Variants in TENM3 observed in about 807,000 individuals in gnomAD.
TENM3 encodes the protein teneurin-3.
Under a neutral mutation model 255.1 loss-of-function variants are expected in TENM3, and 63 were observed. The ratio of observed to expected loss-of-function variants is 0.25; its 90% confidence interval spans 0.20 to 0.30. TENM3 has a LOEUF of 0.30. TENM3 is among the 10% of genes least tolerant of loss of function. The pLI is 1.00. For synonymous variants in TENM3, 1,306 were observed against 1,322.3 expected (o/e 0.99, Z 0.27); for missense variants, 2,929 against 3,461.1 (o/e 0.85, Z 3.86).
At chr4:181,732,045 A>C in the TENM3 span, among the ~76,000 whole-genome samples, 1 of 152,184 alleles carries the variant, frequency 6.6e-6, no homozygotes, top group Non-Finnish European at 1.5e-5. Context: ...ATGGGAAAGG[A>C]AACAGAATAT....
At chr4:182,057,642 C>G in the TENM3 span, among the ~76,000 whole-genome samples, 1 of 151,766 alleles carries the variant, frequency 6.6e-6, no homozygotes, top group African/African-American at 2.4e-5. Flanking sequence ...CTCAAGTGAT[C>G]CCCCTGCCTT....
chr4:181,680,659 A>G, the TENM3 span, among the ~76,000 whole-genome samples: 65 of 152,258 alleles, frequency 4.3e-4, 1 homozygote, highest in East Asian at 0.013. Flanking sequence ...AGGTATCATA[A>G]TAAGTTATCC....
intron 4 of TENM3, among the ~76,000 whole-genome samples, chr4:182,621,523 GA>G (rs11291088): frequency 0.96 from 139,269 of 144,338 alleles, 67,373 homozygotes; most frequent in Non-Finnish European, 1. Context: ...AGCACTTTGG[GA>G]GGCCAAGGCA....
At chr4:182,386,073 C>G (rs1767895586) in intron 3 of TENM3, among the ~76,000 whole-genome samples, 1 of 152,094 alleles carries the variant, frequency 6.6e-6, no homozygotes. Flanking sequence ...TGACTTAGAA[C>G]GTAAGAAAGA....
chr4:182,509,395 G>A (rs969322519), intron 3 of TENM3, among the ~76,000 whole-genome samples: 11 of 151,958 alleles, frequency 7.2e-5, no homozygotes, highest in Non-Finnish European at 1.0e-4. Flanking sequence ...TGCTTGCTTC[G>A]TTTCAGTGAT....
chr4:182,001,606 CT>C, the TENM3 span, among the ~76,000 whole-genome samples: 1 of 152,100 alleles, frequency 6.6e-6, no homozygotes, highest in South Asian at 2.1e-4. Context: ...CCATCAACTA[CT>C]ACTTTTGCTG....
At chr4:182,007,915 C>G in the TENM3 span, among the ~76,000 whole-genome samples, 1 of 152,150 alleles carries the variant, frequency 6.6e-6, no homozygotes, top group Non-Finnish European at 1.5e-5. Context: ...GCAGGCCAGA[C>G]CTGGTGGTAA....
chr4:182,370,180 G>A (rs1357233708), intron 3 of TENM3, among the ~76,000 whole-genome samples: 1 of 152,206 alleles, frequency 6.6e-6, no homozygotes, highest in African/African-American at 2.4e-5. Context: ...CTAACAAAGT[G>A]AAGATGCAAA....
chr4:181,749,126 A>G, the TENM3 span, among the ~76,000 whole-genome samples: 1,680 of 152,232 alleles, frequency 0.011, 29 homozygotes, highest in African/African-American at 0.038. Context: ...GGAGATTTCT[A>G]GGAAGAAAAT....
chr4:182,800,511 C>T lies in TENM3; in HGVS notation c.*160C>T, dbSNP rs2152841670. Reference sequence around the variant, plus strand: ...CGCGAAAACAAGGACCGCTTTTTTCCGAATGACCTTAAAGGTGATCGGCTT... The same window carrying T: ...CGCGAAAACAAGGACCGCTTTTTTCTGAATGACCTTAAAGGTGATCGGCTT... On this transcript the variant is annotated 3_prime_UTR_variant, in exon 28 of 28. Coordinates refer to ENST00000511685, the MANE Select transcript of TENM3 (RefSeq NM_001080477.4). 1 of 838,956 alleles carries T rather than the reference C, an allele frequency of 1.2e-6. No homozygotes were observed. The highest frequency in any genetic ancestry group is 1.8e-5 in the South Asian group (1 of 55,128). 52.0% of individuals were successfully genotyped at this position (838,956 alleles called of 1,614,324 possible). A position where few individuals can be genotyped will look rare whatever the true frequency, so the allele number is the denominator to read the frequency against.
At chr4:182,594,095 A>T (rs1057332941) in intron 3 of TENM3, among the ~76,000 whole-genome samples, 1 of 152,164 alleles carries the variant, frequency 6.6e-6, no homozygotes, top group Non-Finnish European at 1.5e-5. Flanking sequence ...CTTCATGACT[A>T]TGAGATCAAA....
chr4:182,369,480 T>C (rs1766652653), intron 3 of TENM3, among the ~76,000 whole-genome samples: 1 of 152,190 alleles, frequency 6.6e-6, no homozygotes, highest in Non-Finnish European at 1.5e-5. Flanking sequence ...TGCTTTGCAA[T>C]GAGAAGGAAA....
chr4:181,515,026 A>C, the TENM3 span, among the ~76,000 whole-genome samples: 4 of 152,244 alleles, frequency 2.6e-5, no homozygotes, highest in African/African-American at 9.6e-5. Context: ...GCCAGGGCTG[A>C]AGTCCAAGTC....
the TENM3 span, among the ~76,000 whole-genome samples, chr4:181,826,964 A>G: frequency 6.6e-6 from 1 of 152,214 alleles, no homozygotes; most frequent in Non-Finnish European, 1.5e-5. Flanking sequence ...GTGGTGTTGC[A>G]GAAATGGCAA....
the TENM3 span, among the ~76,000 whole-genome samples, chr4:181,508,294 A>G: frequency 6.6e-6 from 1 of 152,190 alleles, no homozygotes; most frequent in African/African-American, 2.4e-5. Flanking sequence ...ATCTCTTTTC[A>G]GACAGCAGGG....
chr4:182,272,368 T>G (rs1026663007), intron 1 of TENM3, among the ~76,000 whole-genome samples: 1 of 152,116 alleles, frequency 6.6e-6, no homozygotes, highest in Non-Finnish European at 1.5e-5. Context: ...TAGAGTTGAT[T>G]TACTACAGGT....
chr4:181,807,137 C>T, the TENM3 span, among the ~76,000 whole-genome samples: 6 of 152,276 alleles, frequency 3.9e-5, no homozygotes, highest in South Asian at 2.1e-4. Flanking sequence ...TTCTACCCTG[C>T]GTTGTAGTTA....
intron 3 of TENM3, among the ~76,000 whole-genome samples, chr4:182,526,911 G>T (rs557153126): frequency 6.6e-6 from 1 of 152,072 alleles, no homozygotes; most frequent in Admixed American, 6.6e-5. Flanking sequence ...AATATTATTG[G>T]TTACTTGTCT....
chr4:182,290,260 A>G (rs6850903), intron 1 of TENM3, among the ~76,000 whole-genome samples: 4,241 of 152,178 alleles, frequency 0.028, 200 homozygotes, highest in African/African-American at 0.096. Flanking sequence ...GTGAGCTGGC[A>G]CTTTACCTAC....
Sources: gnomAD v4.1 joint callset for allele counts (sites outside exome capture counted in the v4.1 genomes callset) on GRCh38, gnomAD v4.1.1 for gene constraint, MANE v1.5 for transcripts, NCBI Gene and HGNC (gene_info 2026-07-23, HGNC 2026-07-21) for gene names.